Variants in RAB2A observed in about 807,000 individuals in gnomAD.
RAB2A encodes ras-related protein Rab-2A.
RAB2A carries 7 observed loss-of-function variants against 32.5 expected under a neutral mutation model. That is an observed-to-expected ratio of 0.22 (90% CI 0.12 to 0.40). RAB2A has a LOEUF of 0.40. RAB2A is among the 10% of genes least tolerant of loss of function. The pLI, the probability that RAB2A is intolerant of heterozygous loss-of-function variation, is 1.00. For synonymous variants in RAB2A, 79 were observed against 85.2 expected (o/e 0.93, Z 0.40); for missense variants, 108 against 260.7 (o/e 0.41, Z 4.03).
At chr8:60,558,498 C>T (rs1248883589) in intron 1 of RAB2A, 5 of 505,272 alleles carry the variant, frequency 9.9e-6, no homozygotes, top group South Asian at 7.4e-5. Context: ...ATTAACTATG[C>T]TTTAAATATT....
chr8:60,598,308 A>G (rs11786146), intron 6 of RAB2A, among the ~76,000 whole-genome samples: 34,791 of 152,166 alleles, frequency 0.23, 4,080 homozygotes, highest in Middle Eastern at 0.39. Flanking sequence ...TCACTGCGGA[A>G]TTCTACCAGA....
At chr8:60,528,233 C>T (rs2130808519) in intron 1 of RAB2A, among the ~76,000 whole-genome samples, 1 of 152,292 alleles carries the variant, frequency 6.6e-6, no homozygotes, top group African/African-American at 2.4e-5. Context: ...TATTTACCAG[C>T]CATGTGACTA....
At chr8:60,596,307 T>A (rs537460112) in intron 6 of RAB2A, among the ~76,000 whole-genome samples, 10 of 152,254 alleles carry the variant, frequency 6.6e-5, no homozygotes, top group African/African-American at 2.4e-4. Context: ...TGGGATCTAA[T>A]TAAACTGAAG....
intron 2 of RAB2A, among the ~76,000 whole-genome samples, chr8:60,568,615 T>C (rs914899205): frequency 6.6e-6 from 1 of 152,254 alleles, no homozygotes; most frequent in South Asian, 2.1e-4. Flanking sequence ...CAAGTAGATA[T>C]TGATTATGAA....
intron 1 of RAB2A, among the ~76,000 whole-genome samples, chr8:60,538,867 A>G (rs1807596130): frequency 6.6e-6 from 1 of 152,232 alleles, no homozygotes; most frequent in East Asian, 1.9e-4. Context: ...GAAAACTGGC[A>G]CATGAGAGTA....
chr8:60,547,709 C>G (rs1807761613), intron 1 of RAB2A, among the ~76,000 whole-genome samples: 1 of 119,474 alleles, frequency 8.4e-6, no homozygotes, highest in African/African-American at 3.1e-5. Flanking sequence ...GGGGGCTGAC[C>G]CCCCCACCTC....
intron 2 of RAB2A, among the ~76,000 whole-genome samples, chr8:60,571,350 T>G (rs1276696287): frequency 6.6e-6 from 1 of 152,248 alleles, no homozygotes; most frequent in Non-Finnish European, 1.5e-5. Context: ...GCAAATTATC[T>G]GTACACAAAA....
intron 6 of RAB2A, among the ~76,000 whole-genome samples, chr8:60,592,602 C>A (rs1586102903): frequency 6.6e-6 from 1 of 151,994 alleles, no homozygotes; most frequent in East Asian, 1.9e-4. Flanking sequence ...TAACATTTTA[C>A]AAAGCATGAG....
At chr8:60,570,680 T>A (rs865960489) in intron 2 of RAB2A, among the ~76,000 whole-genome samples, 1 of 152,220 alleles carries the variant, frequency 6.6e-6, no homozygotes, top group Admixed American at 6.5e-5. Context: ...GGATCTCTTT[T>A]CTCTAGCTTT....
At chr8:60,602,561 T>C (rs1168255361) in intron 6 of RAB2A, among the ~76,000 whole-genome samples, 2 of 152,232 alleles carry the variant, frequency 1.3e-5, no homozygotes, top group Non-Finnish European at 2.9e-5. Flanking sequence ...CCAGCACTTA[T>C]TTGGTATCTG....
At chr8:60,537,375 C>T (rs556633043) in intron 1 of RAB2A, among the ~76,000 whole-genome samples, 8 of 152,288 alleles carry the variant, frequency 5.3e-5, no homozygotes, top group African/African-American at 1.9e-4. Flanking sequence ...GCATGTGCTA[C>T]CACGCCCAGC....
intron 5 of RAB2A, among the ~76,000 whole-genome samples, chr8:60,585,282 TTTTTG>T (rs112024465): frequency 0.034 from 4,999 of 148,588 alleles, 108 homozygotes; most frequent in African/African-American, 0.066. Flanking sequence ...GGCACCATTC[TTTTTG>T]TTTTGTTTTG....
At chr8:60,526,353 C>T (rs1163589129) in intron 1 of RAB2A, among the ~76,000 whole-genome samples, 5 of 152,090 alleles carry the variant, frequency 3.3e-5, no homozygotes, top group Non-Finnish European at 7.4e-5. Context: ...GCCCATGGCC[C>T]CCTTCCTCCA....
At chr8:60,555,108 A>G (rs1807915235) in intron 1 of RAB2A, among the ~76,000 whole-genome samples, 1 of 152,194 alleles carries the variant, frequency 6.6e-6, no homozygotes, top group African/African-American at 2.4e-5. Flanking sequence ...GTTTATGGAC[A>G]CAAATATATT....
intron 2 of RAB2A, among the ~76,000 whole-genome samples, chr8:60,571,144 A>G (rs1014922946): frequency 3.9e-5 from 6 of 152,224 alleles, no homozygotes; most frequent in African/African-American, 1.4e-4. Context: ...CAAAGATGAT[A>G]AATACAAGTT....
chr8:60,620,041 GT>G (rs1369494873), intron 7 of RAB2A, among the ~76,000 whole-genome samples: 2 of 152,268 alleles, frequency 1.3e-5, no homozygotes, highest in African/African-American at 4.8e-5. Context: ...GAGATTTACT[GT>G]GACGTAAAGT....
intron 2 of RAB2A, among the ~76,000 whole-genome samples, chr8:60,565,755 G>C (rs532890610): frequency 9.0e-6 from 1 of 110,860 alleles, no homozygotes; most frequent in East Asian, 3.2e-4. Context: ...CTGTCACCCA[G>C]GTTGGAGTAC....
chr8:60,618,570 T>A lies in RAB2A; in HGVS notation c.475-10T>A. ...TTTATATAATATGAACCAATTTCTC[T>A]ATATTTCAGGCATTTATTAATACAG... On this transcript the variant is annotated splice_polypyrimidine_tract_variant and intron_variant, in intron 6 of 7. Coordinates refer to ENST00000262646, the MANE Select transcript of RAB2A (RefSeq NM_002865.3). 8.3e-7 allele frequency: 1 copy of A among 1,204,352 alleles called. No individual in the cohort carries two copies. Among genetic ancestry groups the A allele is most frequent in the Non-Finnish European group, 1.1e-6 (1 of 898,404 alleles). The allele number at this position is 1,204,352 out of a possible 1,614,324, so 74.6% of individuals were successfully genotyped here.
chr8:60,586,383 T>TA (rs34190681), intron 5 of RAB2A, among the ~76,000 whole-genome samples: 77 of 143,276 alleles, frequency 5.4e-4, no homozygotes, highest in Middle Eastern at 7.0e-3. Flanking sequence ...TCCTGCCCGT[T>TA]AAAAAAAAAA....
Sources: allele counts gnomAD v4.1 joint callset (sites outside exome capture counted in the v4.1 genomes callset), GRCh38; gene constraint gnomAD v4.1.1; transcripts MANE v1.5; gene names NCBI Gene and HGNC (gene_info 2026-07-23, HGNC 2026-07-21).